The following SPECC1L variants were observed in gnomAD, a reference collection of about 807,000 sequenced individuals.
The protein encoded by SPECC1L is cytospin-A.
SPECC1L carries 40 observed loss-of-function variants against 116.8 expected under a neutral mutation model. The observed-to-expected ratio is 0.34, with a 90% CI of 0.27 to 0.45. The LOEUF is 0.45. Ranked by LOEUF, SPECC1L falls within the 20% of genes least tolerant of loss-of-function variation. The pLI, the probability that SPECC1L is intolerant of heterozygous loss-of-function variation, is 1.00. For synonymous variants in SPECC1L, 504 were observed against 500.6 expected (o/e 1.01, Z -0.09); for missense variants, 1,110 against 1,373.6 (o/e 0.81, Z 3.03).
intron 11 of SPECC1L, among the ~76,000 whole-genome samples, chr22:24,349,439 C>G (rs1328075673): frequency 6.6e-6 from 1 of 152,242 alleles, no homozygotes; most frequent in African/African-American, 2.4e-5. Context: ...TTATTGTATC[C>G]TGTCTCATGA....
chr22:24,322,560 A>G lies in SPECC1L; in HGVS notation c.1580A>G (p.Asn527Ser), dbSNP rs200330782. ...SNTLKMAEQD[N>S]KEAQEMIGAL... ...ACTTTGAAAATGGCAGAACAAGACA[A>G]TAAGGAAGCTCAAGAAATGATAGGG... Residue 527 changes from asparagine (N) to serine (S), a missense_variant, in exon 5 of 17, where the codon AAT becomes AGT. Asn to Ser is a conservative substitution (Grantham distance 46). Coordinates refer to ENST00000314328, the MANE Select transcript of SPECC1L (RefSeq NM_015330.6). The G allele has an allele frequency of 3.7e-6, 6 of 1,614,220 alleles. No individual in the cohort carries two copies. Among genetic ancestry groups the G allele is most frequent in the South Asian group, 1.1e-5 (1 of 91,084 alleles).
intron 2 of SPECC1L, among the ~76,000 whole-genome samples, chr22:24,301,506 A>T (rs1402438181): frequency 6.6e-6 from 1 of 152,196 alleles, no homozygotes; most frequent in Non-Finnish European, 1.5e-5. Flanking sequence ...CGGAACACTT[A>T]AATTAGTCTA....
intron 12 of SPECC1L, among the ~76,000 whole-genome samples, chr22:24,363,832 G>T (rs1239752592): frequency 6.6e-6 from 1 of 151,066 alleles, no homozygotes; most frequent in East Asian, 1.9e-4. Flanking sequence ...GGATCTTTAA[G>T]GGCATTGCTT....
intron 11 of SPECC1L, 120 bp from the exon 12 acceptor site, chr22:24,363,141 G>A: frequency 1.1e-6 from 1 of 870,946 alleles, no homozygotes; most frequent in South Asian, 1.4e-5. Context: ...GAAGTTCCCT[G>A]GATTGGGAAG....
intron 16 of SPECC1L, 82 bp downstream of exon 16, chr22:24,412,789 G>C: frequency 6.8e-7 from 1 of 1,475,062 alleles, no homozygotes; most frequent in Non-Finnish European, 9.5e-7. Context: ...CTGAATCCTC[G>C]TGGGCATGGG....
chr22:24,381,365 A>G (rs1421862662), intron 14 of SPECC1L, among the ~76,000 whole-genome samples: 1 of 152,236 alleles, frequency 6.6e-6, no homozygotes, highest in Non-Finnish European at 1.5e-5. Flanking sequence ...ATAAATGAAC[A>G]AAATATTTTA....
intron 14 of SPECC1L, among the ~76,000 whole-genome samples, chr22:24,401,566 G>T (rs752773869): frequency 6.6e-6 from 1 of 152,162 alleles, no homozygotes; most frequent in African/African-American, 2.4e-5. Flanking sequence ...CCTTGACTAT[G>T]GTTTGGTCTG....
In SPECC1L at chr22:24,416,782, G is replaced by C. The variant is rs1193217569; in HGVS notation, c.*2159G>C. 6.6e-6 allele frequency: 1 copy of C among 152,356 alleles called. No homozygotes were observed. The highest frequency in any genetic ancestry group is 6.5e-5 in the Admixed American group (1 of 15,290). 9.4% of individuals were successfully genotyped at this position (152,356 alleles called of 1,614,324 possible). ...GGAGGAAGGTGGCCATGGATGGATG[G>C]GCTGTATCTGTGTTTTCCCTCTGGG... On this transcript the variant is annotated 3_prime_UTR_variant, in exon 17 of 17. Coordinates refer to ENST00000314328, the MANE Select transcript of SPECC1L (RefSeq NM_015330.6).
intron 16 of SPECC1L, among the ~76,000 whole-genome samples, chr22:24,413,210 G>A (rs962784101): frequency 6.6e-6 from 1 of 152,144 alleles, no homozygotes; most frequent in African/African-American, 2.4e-5. Flanking sequence ...GTGGGTAGCC[G>A]CCACTCACAG....
At chr22:24,302,478 G>T in intron 3 of SPECC1L, 94 bp downstream of exon 3, 2 of 1,505,794 alleles carry the variant, frequency 1.3e-6, no homozygotes, top group Non-Finnish European at 1.8e-6. Flanking sequence ...TTAGGGGTGT[G>T]CCCTCTTCTG....
chr22:24,391,121 C>G lies in SPECC1L; in HGVS notation c.3088-20467C>G, dbSNP rs947561123. On this transcript the variant is annotated intron_variant, in intron 14 of 16. Coordinates refer to ENST00000314328, the MANE Select transcript of SPECC1L (RefSeq NM_015330.6). ...CAATCTCCTGATCTTGGGATCCGCCCGCCTTGGCCTCCCAAAGTGCTGGGA... is the reference window on the plus strand; with the variant it reads ...CAATCTCCTGATCTTGGGATCCGCCGGCCTTGGCCTCCCAAAGTGCTGGGA... Among the ~76,000 whole-genome samples, 8 of 152,028 alleles carry G rather than the reference C, an allele frequency of 5.3e-5. No homozygotes were observed. The South Asian group carries it at 1.7e-3, about 32-fold the overall frequency.
At chr22:24,403,256 C>T (rs182775528) in intron 14 of SPECC1L, among the ~76,000 whole-genome samples, 2 of 151,988 alleles carry the variant, frequency 1.3e-5, no homozygotes, top group African/African-American at 2.4e-5. Context: ...CTTGTTTTGT[C>T]GACCCTAATC....
At chr22:24,347,419 C>G (rs2041319732) in intron 11 of SPECC1L, among the ~76,000 whole-genome samples, 1 of 152,186 alleles carries the variant, frequency 6.6e-6, no homozygotes, top group Non-Finnish European at 1.5e-5. Context: ...TTGCTAGGCA[C>G]TGTTTTCACA....
intron 6 of SPECC1L, among the ~76,000 whole-genome samples, chr22:24,325,946 T>C (rs755865647): frequency 3.0e-4 from 46 of 152,228 alleles, no homozygotes; most frequent in South Asian, 1.9e-3. Flanking sequence ...TGCTTGCCTG[T>C]TTTTTGCTGT....
Position 24,328,917 on chromosome 22 carries a change from C to A in SPECC1L, c.2218C>A (p.Arg740=). ...REIKTLHRRL[R]EESAEWRQFQ... is the part of the protein sequence containing the mutation. Reference sequence around the variant, plus strand: ...AATAAAGACACTCCACAGAAGACTTCGGGTAGGATAAATCTTCATGTATTG... The same window carrying A: ...AATAAAGACACTCCACAGAAGACTTAGGGTAGGATAAATCTTCATGTATTG... Residue 740 remains arginine, a splice_region_variant and synonymous_variant, in exon 7 of 17, where the codon CGG becomes AGG. Coordinates refer to ENST00000314328, the MANE Select transcript of SPECC1L (RefSeq NM_015330.6). The A allele has an allele frequency of 6.2e-7, 1 of 1,611,032 alleles. No individual in the cohort carries two copies. The highest frequency in any genetic ancestry group is 2.2e-5 in the East Asian group (1 of 44,774).
chr22:24,278,349 A>C (rs4049945), intron 2 of SPECC1L, among the ~76,000 whole-genome samples: 3 of 152,148 alleles, frequency 2.0e-5, no homozygotes, highest in African/African-American at 7.2e-5. Context: ...TGTCAGAGCA[A>C]GACTCCGTTT....
At chr22:24,374,939 C>G (rs2041943059) in intron 14 of SPECC1L, among the ~76,000 whole-genome samples, 1 of 151,430 alleles carries the variant, frequency 6.6e-6, no homozygotes, top group Admixed American at 6.6e-5. Context: ...ATTGACAAAC[C>G]TCTAAGTAGA....
intron 2 of SPECC1L, among the ~76,000 whole-genome samples, chr22:24,286,478 A>G (rs1163700214): frequency 1.3e-5 from 2 of 152,244 alleles, no homozygotes; most frequent in Non-Finnish European, 2.9e-5. Flanking sequence ...AGTTGGTAAC[A>G]GCAAAATTAT....
chr22:24,298,052 G>A (rs1027789745), intron 2 of SPECC1L, among the ~76,000 whole-genome samples: 63 of 152,164 alleles, frequency 4.1e-4, no homozygotes, highest in Non-Finnish European at 7.2e-4. Context: ...AACTTACTGT[G>A]GTTCGACCTA....
Sources: allele counts gnomAD v4.1 joint callset (sites outside exome capture counted in the v4.1 genomes callset), GRCh38; gene constraint gnomAD v4.1.1; transcripts MANE v1.5; gene names NCBI Gene and HGNC (gene_info 2026-07-23, HGNC 2026-07-21).